CELSR2: variants seen among roughly 807,000 people sequenced by gnomAD.
The protein encoded by CELSR2 is cadherin EGF LAG seven-pass G-type receptor 2, also known as EGF-like protein 2.
CELSR2 carries 81 observed loss-of-function variants against 251.6 expected under a neutral mutation model. The observed-to-expected ratio is 0.32, with a 90% CI of 0.27 to 0.39. CELSR2 has a LOEUF of 0.39. Among genes scored for constraint, CELSR2 ranks in the 10% least tolerant of loss-of-function variants. The probability of loss-of-function intolerance (pLI) is 1.00; values close to 1 mark genes in which losing one functional copy is unlikely to be tolerated. For synonymous variants in CELSR2, 1,721 were observed against 1,670.5 expected (o/e 1.03, Z -0.74); for missense variants, 3,365 against 3,947.7 (o/e 0.85, Z 3.96).
rs746580828 is a variant in CELSR2, at chr1:109,250,140, T to TTGCTGC, written c.71_76dup (p.Leu24_Leu25dup). 10 of 1,495,746 alleles carry TTGCTGC rather than the reference T, an allele frequency of 6.7e-6. No individual in the cohort carries two copies. Among genetic ancestry groups the TTGCTGC allele is most frequent in the African/African-American group, 4.2e-5 (3 of 71,336 alleles). 92.7% of individuals were successfully genotyped at this position (1,495,746 alleles called of 1,614,324 possible). A position where few individuals can be genotyped will look rare whatever the true frequency, so the allele number is the denominator to read the frequency against. On this transcript the variant is annotated inframe_insertion, in exon 1 of 34. Coordinates refer to ENST00000271332, the MANE Select transcript of CELSR2 (RefSeq NM_001408.3). The surrounding 1 kb of genome is among the most constrained non-coding windows in gnomAD (Gnocchi z 4.4). ...GCCGCCGCCGCCGCTGCTGCTGCTGTTGCTGCTGCTGCTGCCGCCGCCACT... is the reference window on the plus strand; with the variant it reads ...GCCGCCGCCGCCGCTGCTGCTGCTGTTGCTGCTGCTGCTGCTGCTGCCGCCGCCACT...
Position 109,270,046 on chromosome 1 carries a change from C to A in CELSR2, c.7221C>A (p.Asn2407Lys). 1 of 1,614,164 alleles carries A rather than the reference C, an allele frequency of 6.2e-7. No individual in the cohort carries two copies. The highest frequency in any genetic ancestry group is 1.3e-5 in the African/African-American group (1 of 75,032). Residue 2407 changes from asparagine (N) to lysine (K), a missense_variant, in exon 23 of 34, where the codon AAC becomes AAA. By Grantham distance (94) the Asn-to-Lys change is moderately conservative. Transcript: ENST00000271332. ...FLTLLRILRS[N>K]QHGIRRNLTA... ...CTCTCTTGCGTATCCTGCGCTCCAA[C>A]CAACACGGCATCCGACGTAACCTGA...
At position 109,258,983 on chromosome 1, in the gene CELSR2, G is replaced by A. The variant is rs756257229; in HGVS notation, c.3862G>A (p.Glu1288Lys). 1.2e-6 allele frequency: 2 copies of A among 1,609,104 alleles called. No individual in the cohort carries two copies. Among genetic ancestry groups the A allele is most frequent in the East Asian group, 2.2e-5 (1 of 44,864 alleles). The change falls in exon 2 of 34, where the codon GAG becomes AAG. Residue 1288 changes from glutamate (E) to lysine (K), a missense_variant. Glu to Lys is a moderately conservative substitution (Grantham distance 56, BLOSUM62 1). Coordinates refer to ENST00000271332, the MANE Select transcript of CELSR2 (RefSeq NM_001408.3). Reference sequence around the variant, plus strand: ...CTTCACGGGTGACTACTGCGAGACCGAGGTGGACCTCTGCTACTCGCGGCC... The same window carrying A: ...CTTCACGGGTGACTACTGCGAGACCAAGGTGGACCTCTGCTACTCGCGGCC... Reference protein sequence around the residue: ...PGFTGDYCETEVDLCYSRPCG... With the variant: ...PGFTGDYCETKVDLCYSRPCG...
chr1:109,263,555 C>T (rs1656089226), intron 8 of CELSR2, 56 bp from the exon 9 acceptor site: 3 of 1,594,828 alleles, frequency 1.9e-6, no homozygotes, highest in African/African-American at 2.7e-5. Flanking sequence ...AGCATCACAG[C>T]CCCAGGGCCC....
chr1:109,261,366 G>A lies in CELSR2; in HGVS notation c.4181+102G>A. 1 of 1,388,326 alleles carries A rather than the reference G, an allele frequency of 7.2e-7. No homozygotes were observed. The highest frequency in any genetic ancestry group is 1.8e-5 in the Admixed American group (1 of 57,010). The allele number at this position is 1,388,326 out of a possible 1,614,324, so 86.0% of individuals were successfully genotyped here. On this transcript the variant is annotated intron_variant, in intron 3 of 33. Coordinates refer to ENST00000271332, the MANE Select transcript of CELSR2 (RefSeq NM_001408.3). This position sits in a 1 kb window ranked among gnomAD's most constrained non-coding sequence, Gnocchi z 4.8. ...AGAGGTCAGGCAGTGAAAGCGTGGA[G>A]CAGGCTGCCGGCAGAGCCAGGTCTG...
rs752737876 is a variant in CELSR2 at position 109,268,582 on chromosome 1, A to T, written c.6320A>T (p.Asn2107Ile). Residue 2107 changes from asparagine to isoleucine, a missense_variant and splice_region_variant, in exon 18 of 34, where the codon AAT becomes ATT. Physicochemically the swap from Asn to Ile is moderately radical, Grantham distance 149. Around this residue, in one of 5 missense-constraint regions of CELSR2, gnomAD observed 2,093 missense variants for 2,382.8 expected, o/e 0.88. Coordinates refer to ENST00000271332, the MANE Select transcript of CELSR2 (RefSeq NM_001408.3). The part of the protein sequence containing the change: ...SATQDVHFTE[N>I]LLRVGSALLD... ...CCACCGTGACCTTGCCCACCCCAGA[A>T]TCTGCTGCGGGTGGGCAGCGCCCTC... 8 of 1,606,692 alleles carry T rather than the reference A, an allele frequency of 5.0e-6. No homozygotes were observed. The South Asian group carries it at 7.7e-5, about 16-fold the overall frequency.
rs1359855851 is a variant in CELSR2, at chr1:109,263,391, G to A, written c.4834+124G>A. ...GGGCTGTGGGTGGAAAAGCGTGTCTGGGCAGAGCCCTGAAAGGGCAACACA... is the reference window on the plus strand; with the variant it reads ...GGGCTGTGGGTGGAAAAGCGTGTCTAGGCAGAGCCCTGAAAGGGCAACACA... On this transcript the variant is annotated intron_variant, in intron 8 of 33. Coordinates refer to ENST00000271332, the MANE Select transcript of CELSR2 (RefSeq NM_001408.3). 11 of 1,437,936 alleles carry A rather than the reference G, an allele frequency of 7.6e-6. No homozygotes were observed. The South Asian group carries it at 1.6e-4, about 20-fold the overall frequency. 89.1% of individuals were successfully genotyped at this position (1,437,936 alleles called of 1,614,324 possible). A position where few individuals can be genotyped will look rare whatever the true frequency, so the allele number is the denominator to read the frequency against.
chr1:109,262,654 C>T, intron 6 of CELSR2, 152 bp from the exon 7 acceptor site: 1 of 1,371,382 alleles, frequency 7.3e-7, no homozygotes, highest in Non-Finnish European at 9.9e-7. Context: ...AGAACAGTTC[C>T]AGGTAGGGGT....
At chr1:109,262,142 C>T (rs2101255169) in intron 5 of CELSR2, 145 bp from the exon 6 acceptor site, 4 of 1,225,724 alleles carry the variant, frequency 3.3e-6, no homozygotes, top group East Asian at 2.5e-5. Flanking sequence ...ATGCATAAAC[C>T]ACGTGAGCAC....
chr1:109,262,490 C>T (rs1488842986), intron 6 of CELSR2, 46 bp downstream of exon 6: 2 of 1,599,288 alleles, frequency 1.3e-6, no homozygotes, highest in African/African-American at 1.3e-5. Context: ...GAGGGCAGGG[C>T]CAGGCAGGGA....
At position 109,273,418 on chromosome 1, in the gene CELSR2, C is replaced by T. The variant is rs1656431946; in HGVS notation, c.8510-18C>T. ...ATTCTCCTGTGGCCGCACCTCACAG[C>T]CCCGCCCCGGCCCACAGGCATCCTT... On this transcript the variant is annotated intron_variant, in intron 32 of 33. Transcript: ENST00000271332. The T allele has an allele frequency of 9.9e-6, 16 of 1,608,596 alleles. No homozygotes were observed. Among genetic ancestry groups the T allele is most frequent in the Non-Finnish European group, 1.4e-5 (16 of 1,177,476 alleles).
In CELSR2 at chr1:109,258,814, C is replaced by A; in HGVS notation, c.3693C>A (p.Ile1231=). The A allele has an allele frequency of 6.2e-7, 1 of 1,611,964 alleles. No homozygotes were observed. The highest frequency in any genetic ancestry group is 8.5e-7 in the Non-Finnish European group (1 of 1,179,118). ...GCGTGCTGCCCTTCGACGACAACAT[C>A]TGCCTGCGGGAGCCCTGCGAGAACT... ...AQRVLPFDDN[I]CLREPCENYM... Residue 1231 remains isoleucine, a synonymous_variant, in exon 2 of 34, where the codon ATC becomes ATA. Transcript: ENST00000271332.
At chr1:109,256,602 C>T (rs1655854303) in intron 1 of CELSR2, among the ~76,000 whole-genome samples, 1 of 152,110 alleles carries the variant, frequency 6.6e-6, no homozygotes, top group Non-Finnish European at 1.5e-5. Flanking sequence ...CTAGGGTAAG[C>T]ATTTGCTTTT....
chr1:109,265,956 G>T lies in CELSR2; in HGVS notation c.5911+38G>T, dbSNP rs996884833. On this transcript the variant is annotated intron_variant, in intron 14 of 33. Transcript: ENST00000271332. ...GGATGGGTGGGCAGCCCTCCTTACA[G>T]TGTGCTAGGCACCTGCACCCCAGGA... 8.8e-6 allele frequency: 14 copies of T among 1,599,632 alleles called. No individual in the cohort carries two copies. In the Middle Eastern group the frequency reaches 1.0e-3, roughly 115 times the overall value.
At chr1:109,270,215 C>A in intron 23 of CELSR2, 82 bp downstream of exon 23, 1 of 1,456,986 alleles carries the variant, frequency 6.9e-7, no homozygotes, top group Non-Finnish European at 9.5e-7. Flanking sequence ...CCTGCTCCTG[C>A]ACCATGAACT....
chr1:109,263,373 G>C (rs1305147758), intron 8 of CELSR2, 106 bp downstream of exon 8: 1 of 1,466,738 alleles, frequency 6.8e-7, no homozygotes, highest in East Asian at 2.4e-5. Flanking sequence ...GCGGGGCTGT[G>C]GGTGGAAAAG....
rs1381281894 is a variant in CELSR2, at chr1:109,272,924, AGAAGAGGAGGAG to A, written c.8246_8257del (p.Glu2749_Glu2752del). Reference sequence around the variant, plus strand: ...CCCACTCATCAGACAGTGAGGAGGAAGAAGAGGAGGAGGAAGAGGAGGCCGCCTTCCCTGGAG... The same window carrying A: ...CCCACTCATCAGACAGTGAGGAGGAAGAAGAGGAGGCCGCCTTCCCTGGAG... On this transcript the variant is annotated inframe_deletion, in exon 31 of 34. Transcript: ENST00000271332. The A allele has an allele frequency of 1.9e-6, 3 of 1,613,828 alleles. No homozygotes were observed. Among genetic ancestry groups the A allele is most frequent in the Non-Finnish European group, 2.5e-6 (3 of 1,179,980 alleles).
chr1:109,264,992 G>A lies in CELSR2; in HGVS notation c.5589G>A (p.Gly1863=), dbSNP rs775613209. Residue 1863 remains glycine (G), a synonymous_variant, in exon 12 of 34, where the codon GGG becomes GGA. Transcript: ENST00000271332. ...GCGAGTGTCCCCCAAATTACCTTGG[G>A]CCATACTGTGAGACCAGGTAAGCAG... is the stretch of plus-strand genomic sequence containing the variant. ...YTCECPPNYL[G]PYCETRIDQP... The A allele has an allele frequency of 1.2e-5, 20 of 1,614,068 alleles. No individual in the cohort carries two copies. Among genetic ancestry groups the A allele is most frequent in the Non-Finnish European group, 1.6e-5 (19 of 1,180,036 alleles).
In CELSR2 at chr1:109,252,382, C is replaced by A; in HGVS notation, c.2303C>A (p.Thr768Asn). 2 of 1,613,126 alleles carry A rather than the reference C, an allele frequency of 1.2e-6. No homozygotes were observed. The highest frequency in any genetic ancestry group is 1.7e-6 in the Non-Finnish European group (2 of 1,180,014). Reference protein sequence around the residue: ...FRIDADTGAVTTQAELDYEDQ... With the variant: ...FRIDADTGAVNTQAELDYEDQ... ...ATCGATGCAGACACGGGGGCTGTCA[C>A]CACCCAGGCTGAGCTGGACTATGAA... The change falls in exon 1 of 34, where the codon ACC becomes AAC. Residue 768 changes from threonine to asparagine, a missense_variant. Physicochemically the swap from Thr to Asn is moderately conservative, Grantham distance 65 (BLOSUM62 0). Coordinates refer to ENST00000271332, the MANE Select transcript of CELSR2 (RefSeq NM_001408.3). This position sits in a 1 kb window ranked among gnomAD's most constrained non-coding sequence, Gnocchi z 4.8.
chr1:109,261,884 A>G lies in CELSR2; in HGVS notation c.4374A>G (p.Lys1458=), dbSNP rs1181354805. 8.2e-6 allele frequency: 13 copies of G among 1,581,072 alleles called. No individual in the cohort carries two copies. Among genetic ancestry groups the G allele is most frequent in the South Asian group, 2.3e-5 (2 of 87,026 alleles). ...SDGQWHTVQL[K]YYNKPLLGQT... ...GCCAGTGGCATACGGTGCAGCTGAA[A>G]TACTACAATAAGGTGGGTGTGGAGG... Residue 1458 remains lysine (K), a synonymous_variant, in exon 5 of 34, where the codon AAA becomes AAG. Coordinates refer to ENST00000271332, the MANE Select transcript of CELSR2 (RefSeq NM_001408.3). The surrounding 1 kb of genome is among the most constrained non-coding windows in gnomAD (Gnocchi z 4.8).
Sources: gnomAD v4.1 joint callset for allele counts (sites outside exome capture counted in the v4.1 genomes callset) on GRCh38, gnomAD v4.1.1 for gene constraint, gnomAD v4.1.1 regional missense constraint, Gnocchi (gnomAD v3.1) non-coding constraint, MANE v1.5 for transcripts, NCBI Gene and HGNC (gene_info 2026-07-23, HGNC 2026-07-21) for gene names.